STK32C: variants seen among roughly 807,000 people sequenced by gnomAD.
STK32C encodes serine/threonine-protein kinase 32C.
In STK32C, 31 loss-of-function variants were observed where a neutral mutation model predicts 56.5. The ratio of observed to expected loss-of-function variants is 0.55; its 90% confidence interval spans 0.41 to 0.74. The LOEUF is 0.74. Ranked by LOEUF, STK32C falls within the 30% of genes least tolerant of loss-of-function variation. The pLI is 0.00. For missense variants in STK32C, 544 were observed against 676.9 expected (o/e 0.80, Z 2.18); for synonymous variants, 309 against 289.4 (o/e 1.07, Z -0.69).
intron 1 of STK32C, among the ~76,000 whole-genome samples, chr10:132,252,253 G>C (rs980892781): frequency 1.3e-5 from 2 of 152,252 alleles, no homozygotes; most frequent in Non-Finnish European, 2.9e-5. Context: ...TCTTCAGTGT[G>C]GGGGAAACAC....
rs201834526 is a variant in STK32C at position 132,209,114 on chromosome 10, A to C, written c.1252-13T>G. 3,773 of 1,613,084 alleles carry C rather than the reference A, an allele frequency of 2.3e-3. 97 individuals are homozygous for C. The South Asian group carries it at 0.039, about 17-fold the overall frequency. ...GATAGTCATTCTCCTGTGGATGGAA[A>C]GGCACACGTGAGCGTGGGGGACGCT... On this transcript the variant is annotated splice_polypyrimidine_tract_variant and intron_variant, in intron 10 of 11. Coordinates refer to ENST00000298630, the MANE Select transcript of STK32C (RefSeq NM_173575.4).
At chr10:132,267,215 G>A (rs1225429742) in intron 1 of STK32C, among the ~76,000 whole-genome samples, 2 of 152,240 alleles carry the variant, frequency 1.3e-5, no homozygotes, top group Admixed American at 1.3e-4. Flanking sequence ...AGCAAGCCCA[G>A]TGTGGGGTGC....
chr10:132,240,751 G>A (rs1590227344), intron 2 of STK32C, among the ~76,000 whole-genome samples: 1 of 152,060 alleles, frequency 6.6e-6, no homozygotes, highest in South Asian at 2.1e-4. Context: ...CGCAGGGCAG[G>A]GCGAGGAGCC....
At chr10:132,252,346 C>T (rs1006366207) in intron 1 of STK32C, among the ~76,000 whole-genome samples, 6 of 152,248 alleles carry the variant, frequency 3.9e-5, no homozygotes, top group African/African-American at 7.2e-5. Flanking sequence ...CCTACAAGGC[C>T]GTCGGGAGAC....
At chr10:132,227,456 G>A (rs200655242) in intron 3 of STK32C, among the ~76,000 whole-genome samples, 5 of 152,120 alleles carry the variant, frequency 3.3e-5, no homozygotes, top group African/African-American at 1.2e-4. Flanking sequence ...TGAGGATGAC[G>A]GTAGTGAGGA....
chr10:132,306,555 G>A (rs2066069795), intron 1 of STK32C, among the ~76,000 whole-genome samples: 2 of 152,224 alleles, frequency 1.3e-5, no homozygotes, highest in Non-Finnish European at 2.9e-5. Context: ...CCGGCCTGAG[G>A]TCGTATTACT....
chr10:132,253,650 C>A (rs889588989), intron 1 of STK32C, among the ~76,000 whole-genome samples: 1 of 149,448 alleles, frequency 6.7e-6, no homozygotes, highest in Non-Finnish European at 1.5e-5. Flanking sequence ...TGGAGGGAGT[C>A]GAGAGAGCTA....
At chr10:132,300,261 A>T (rs147852880) in intron 1 of STK32C, among the ~76,000 whole-genome samples, 21 of 152,320 alleles carry the variant, frequency 1.4e-4, no homozygotes, top group African/African-American at 5.1e-4. Flanking sequence ...ATTGGGGGCG[A>T]CACTGACTCC....
intron 1 of STK32C, among the ~76,000 whole-genome samples, chr10:132,279,072 G>A (rs961546805): frequency 3.9e-5 from 6 of 152,124 alleles, no homozygotes; most frequent in Admixed American, 1.3e-4. Context: ...GCATATAAGT[G>A]GCCCAGCCCT....
chr10:132,264,036 G>C (rs761658713), intron 1 of STK32C, among the ~76,000 whole-genome samples: 1 of 152,066 alleles, frequency 6.6e-6, no homozygotes, highest in Non-Finnish European at 1.5e-5. Context: ...CCAGTGCCAC[G>C]ACCCAGGGAC....
intron 10 of STK32C, 45 bp from the exon 11 acceptor site, chr10:132,209,146 G>C: frequency 6.4e-7 from 1 of 1,574,208 alleles, no homozygotes; most frequent in Non-Finnish European, 8.7e-7. Context: ...CGCTGTCCAG[G>C]TTCCGCCCAT....
At position 132,307,810 on chromosome 10, in the gene STK32C, C is replaced by A; in HGVS notation, c.24G>T (p.Arg8Ser). Residue 8 changes from arginine to serine, a missense_variant, in exon 1 of 12, where the codon AGG (arginine) becomes AGT (serine). By Grantham distance (110) the Arg-to-Ser change is moderately radical. This residue lies in a region of STK32C where 182 missense variants were observed against 217.7 expected (regional missense o/e 0.84). Transcript: ENST00000298630. The surrounding 1 kb of genome is among the most constrained non-coding windows in gnomAD (Gnocchi z 4.4). The part of the protein sequence containing the change: MRSGAER[R>S]GSSAAASPGS... Reference sequence around the variant, plus strand: ...CCGGGGACGCCGCGGCGCTGCTGCCCCTGCGCTCGGCGCCACTCCTCATCG... The same window carrying A: ...CCGGGGACGCCGCGGCGCTGCTGCCACTGCGCTCGGCGCCACTCCTCATCG... 9.5e-7 allele frequency: 1 copy of A among 1,047,430 alleles called. No individual in the cohort carries two copies. Among genetic ancestry groups the A allele is most frequent in the Middle Eastern group, 4.7e-4 (1 of 2,148 alleles). 64.9% of individuals were successfully genotyped at this position (1,047,430 alleles called of 1,614,324 possible).
chr10:132,259,835 C>T (rs1264728951), intron 1 of STK32C, among the ~76,000 whole-genome samples: 1 of 152,228 alleles, frequency 6.6e-6, no homozygotes, highest in Non-Finnish European at 1.5e-5. Context: ...CTGTGACACT[C>T]GCTACACACT....
chr10:132,210,328 C>A (rs2062252073), intron 10 of STK32C, among the ~76,000 whole-genome samples: 1 of 152,254 alleles, frequency 6.6e-6, no homozygotes. Flanking sequence ...GTGATCTTGG[C>A]TCACTGCCAA....
chr10:132,217,196 A>G (rs761444937), intron 10 of STK32C, among the ~76,000 whole-genome samples: 1 of 152,222 alleles, frequency 6.6e-6, no homozygotes, highest in African/African-American at 2.4e-5. Context: ...TGGGAACCCA[A>G]CTCTTGCATC....
chr10:132,252,909 C>T (rs966638514), intron 1 of STK32C, among the ~76,000 whole-genome samples: 1 of 152,216 alleles, frequency 6.6e-6, no homozygotes, highest in African/African-American at 2.4e-5. Context: ...TCTGCATCCA[C>T]ACAGGTGGGT....
At chr10:132,208,802 G>C (rs188691757) in intron 11 of STK32C, among the ~76,000 whole-genome samples, 60 of 152,268 alleles carry the variant, frequency 3.9e-4, no homozygotes, top group South Asian at 1.0e-3. Flanking sequence ...CAAATGATGT[G>C]TCTCTCCCCA....
At chr10:132,282,075 C>G (rs904792646) in intron 1 of STK32C, among the ~76,000 whole-genome samples, 1 of 152,228 alleles carries the variant, frequency 6.6e-6, no homozygotes, top group Non-Finnish European at 1.5e-5. Flanking sequence ...GCAGCCCAGC[C>G]GCTCCGGGGG....
In STK32C at chr10:132,224,520, G is replaced by A. The variant is rs755584279; in HGVS notation, c.880C>T (p.Pro294Ser). 1.3e-6 allele frequency: 2 copies of A among 1,592,052 alleles called. No individual in the cohort carries two copies. Among genetic ancestry groups the A allele is most frequent in the Non-Finnish European group, 1.7e-6 (2 of 1,170,102 alleles). Reference sequence around the variant, plus strand: ...GCGTTGCTGGAGTGGATGTCATAGGGCCTCTGGAGACAGGGAGGCAGTGCT... The same window carrying A: ...GCGTTGCTGGAGTGGATGTCATAGGACCTCTGGAGACAGGGAGGCAGTGCT... The part of the protein sequence containing the change: ...MAYELLRGWR[P>S]YDIHSSNAVE... Residue 294 changes from proline (P) to serine (S), a missense_variant, in exon 8 of 12, where the codon CCC becomes TCC. Pro to Ser is a moderately conservative substitution (Grantham distance 74, BLOSUM62 -1). Around this residue, in one of 3 missense-constraint regions of STK32C, gnomAD observed 277 missense variants for 309.3 expected, o/e 0.90. Coordinates refer to ENST00000298630, the MANE Select transcript of STK32C (RefSeq NM_173575.4).
Sources: allele counts gnomAD v4.1 joint callset (sites outside exome capture counted in the v4.1 genomes callset), GRCh38; gene constraint gnomAD v4.1.1; regional missense constraint gnomAD v4.1.1; non-coding constraint Gnocchi (gnomAD v3.1); transcripts MANE v1.5; gene names NCBI Gene and HGNC (gene_info 2026-07-23, HGNC 2026-07-21).